Variants in ZNF83 observed in about 807,000 individuals in gnomAD.
ZNF83 encodes the protein zinc finger protein 816B.
For missense variants in ZNF83, 552 were observed against 629.9 expected (o/e 0.88, Z 1.32); for synonymous variants, 209 against 213.0 (o/e 0.98, Z 0.17).
chr19:52,665,758 G>T (rs879727236), intron 1 of ZNF83, among the ~76,000 whole-genome samples: 1 of 152,166 alleles, frequency 6.6e-6, no homozygotes, highest in African/African-American at 2.4e-5. Flanking sequence ...ATAGGGGAAT[G>T]ACACAGCAGC....
In ZNF83 at chr19:52,614,339, C is replaced by A. The variant is rs567896850; in HGVS notation, c.226G>T (p.Val76Leu). 6.2e-6 allele frequency: 10 copies of A among 1,612,882 alleles called. No homozygotes were observed. The Admixed American group carries it at 1.7e-4, about 27-fold the overall frequency. Reference sequence around the variant, plus strand: ...TCTTTTTGTGTGAATAATGAATCCACAAAATTACATTCATATGTATGAGAA... The same window carrying A: ...TCTTTTTGTGTGAATAATGAATCCAAAAAATTACATTCATATGTATGAGAA... Residue 76 changes from valine to leucine, a missense_variant, in exon 3 of 3, where the codon GTG becomes TTG. Physicochemically the swap from Val to Leu is conservative, Grantham distance 32. Transcript: ENST00000301096.
At chr19:52,631,538 T>C (rs672333) in intron 2 of ZNF83, among the ~76,000 whole-genome samples, 34,154 of 151,672 alleles carry the variant, frequency 0.23, 4,224 homozygotes, top group East Asian at 0.44. Context: ...ACCTGATGCA[T>C]ATACTTTCTG....
chr19:52,612,878 G>C, exon 3 of ZNF83: 1 of 697,894 alleles, frequency 1.4e-6, no homozygotes, highest in Non-Finnish European at 2.3e-6. Flanking sequence ...TGTCCTCTAT[G>C]GTCTAGCTAA....
At chr19:52,621,071 C>T (rs774371337) in intron 2 of ZNF83, among the ~76,000 whole-genome samples, 3 of 152,326 alleles carry the variant, frequency 2.0e-5, no homozygotes, top group South Asian at 2.1e-4. Context: ...GTTGCTCACA[C>T]AAAACCTGTT....
chr19:52,658,642 A>G (rs12985319), intron 2 of ZNF83, among the ~76,000 whole-genome samples: 41,492 of 152,064 alleles, frequency 0.27, 5,927 homozygotes, highest in Middle Eastern at 0.35. Context: ...GAAGGCCGAA[A>G]GGTTATATAG....
intron 1 of ZNF83, among the ~76,000 whole-genome samples, chr19:52,680,128 G>A (rs1200539599): frequency 6.6e-6 from 1 of 151,974 alleles, no homozygotes; most frequent in Non-Finnish European, 1.5e-5. Context: ...GTGGTAAGAA[G>A]AGATCACACC....
chr19:52,659,949 T>G (rs972126302), intron 2 of ZNF83, among the ~76,000 whole-genome samples: 2 of 152,104 alleles, frequency 1.3e-5, no homozygotes, highest in African/African-American at 4.8e-5. Context: ...TCCCACGACC[T>G]TGGGAGGCTG....
intron 2 of ZNF83, among the ~76,000 whole-genome samples, chr19:52,620,240 ATG>A (rs1409538727): frequency 7.0e-6 from 1 of 142,220 alleles, no homozygotes; most frequent in African/African-American, 2.6e-5. Flanking sequence ...ATATGTATAT[ATG>A]TGTGTGTATA....
intron 1 of ZNF83, among the ~76,000 whole-genome samples, chr19:52,674,899 G>T (rs58391974): frequency 6.6e-6 from 1 of 151,990 alleles, no homozygotes; most frequent in Admixed American, 6.6e-5. Flanking sequence ...ACAAAAAACC[G>T]GCTGGGAAAA....
rs1308898158 is a variant in ZNF83 at position 52,659,080 on chromosome 19, C to A, written c.-201+1682G>T. Among the ~76,000 whole-genome samples the A allele has an allele frequency of 2.0e-5, 3 of 152,054 alleles. 1 individual carries two copies. The highest frequency in any genetic ancestry group is 4.4e-5 in the Non-Finnish European group (3 of 68,028). On this transcript the variant is annotated intron_variant, in intron 2 of 5. Transcript: ENST00000594682. Reference sequence around the variant, plus strand: ...TTCATTCATCCGTCTGGGCCAGGGTCCGTGGGCAGACCCCCGCAGCTAATG... The same window carrying A: ...TTCATTCATCCGTCTGGGCCAGGGTACGTGGGCAGACCCCCGCAGCTAATG...
At chr19:52,652,577 G>T in intron 3 of ZNF83, 1 of 432,168 alleles carries the variant, frequency 2.3e-6, no homozygotes. Context: ...TTTCCAGTAT[G>T]AGTTCACTGA....
intron 2 of ZNF83, among the ~76,000 whole-genome samples, chr19:52,628,056 A>G (rs1289887817): frequency 7.2e-6 from 1 of 139,758 alleles, no homozygotes; most frequent in Non-Finnish European, 1.6e-5. Flanking sequence ...ACCTACCCAA[A>G]TCCTATAAAA....
At chr19:52,652,171 G>T in intron 3 of ZNF83, 1 of 228,066 alleles carries the variant, frequency 4.4e-6, no homozygotes. Context: ...GGGCGTGGTG[G>T]CTCATGCCTG....
intron 3 of ZNF83, among the ~76,000 whole-genome samples, chr19:52,646,633 T>C (rs544851919): frequency 2.5e-4 from 38 of 152,172 alleles, no homozygotes; most frequent in Non-Finnish European, 4.7e-4. Context: ...TCTGCTGAGC[T>C]CACTCACTCC....
rs1600129811 is a variant in ZNF83, at chr19:52,614,800, A to G, written c.-233-3T>C. ...GATCTCACATTTAGAAAAAATACCT[A>G]CAAGATATAAGGATCCCACAGTTTC... On this transcript the variant is annotated splice_polypyrimidine_tract_variant and splice_region_variant and intron_variant, in intron 2 of 2. Transcript: ENST00000301096. 4 of 1,281,866 alleles carry G rather than the reference A, an allele frequency of 3.1e-6. No individual in the cohort carries two copies. The highest frequency in any genetic ancestry group is 5.8e-5 in the East Asian group (2 of 34,256). 79.4% of individuals were successfully genotyped at this position (1,281,866 alleles called of 1,614,324 possible). A position where few individuals can be genotyped will look rare whatever the true frequency, so the allele number is the denominator to read the frequency against.
chr19:52,655,980 G>T (rs2061499086), intron 2 of ZNF83, among the ~76,000 whole-genome samples: 1 of 152,146 alleles, frequency 6.6e-6, no homozygotes, highest in Admixed American at 6.5e-5. Flanking sequence ...GGAGGCTGAG[G>T]TGGGTGTATC....
At chr19:52,632,558 G>A (rs138807044) in intron 2 of ZNF83, among the ~76,000 whole-genome samples, 1,907 of 152,138 alleles carry the variant, frequency 0.013, 27 homozygotes, top group Non-Finnish European at 0.02. Flanking sequence ...TCTTTACACT[G>A]CCAGTTTACA....
At chr19:52,651,922 TAAGTC>T (rs1164295953) in intron 3 of ZNF83, 1 of 174,200 alleles carries the variant, frequency 5.7e-6, no homozygotes, top group East Asian at 1.9e-4. Context: ...AACTCAATGT[TAAGTC>T]AACTCAAACT....
chr19:52,683,210 C>T (rs1171571699), intron 1 of ZNF83, among the ~76,000 whole-genome samples: 2 of 150,622 alleles, frequency 1.3e-5, no homozygotes, highest in African/African-American at 4.9e-5. Flanking sequence ...TCCTCAGCTC[C>T]TCAGCTGCCC....
Sources: allele counts gnomAD v4.1 joint callset (sites outside exome capture counted in the v4.1 genomes callset), GRCh38; gene constraint gnomAD v4.1.1; transcripts MANE v1.5; gene names NCBI Gene and HGNC (gene_info 2026-07-23, HGNC 2026-07-21).